The following SNTG1 variants were observed in gnomAD, a reference collection of about 807,000 sequenced individuals.
SNTG1 encodes gamma-1-syntrophin.
Under a neutral mutation model 74.7 loss-of-function variants are expected in SNTG1, and 39 were observed. The ratio of observed to expected loss-of-function variants is 0.52; its 90% CI spans 0.40 to 0.68. The LOEUF is 0.68. SNTG1 is among the 30% of genes least tolerant of loss of function. SNTG1 has a pLI of 0.00. For missense variants in SNTG1, 685 were observed against 609.5 expected (o/e 1.12, Z -1.30); for synonymous variants, 254 against 217.1 (o/e 1.17, Z -1.49).
At chr8:50,143,114 A>G (rs998236772) in intron 1 of SNTG1, among the ~76,000 whole-genome samples, 2 of 152,060 alleles carry the variant, frequency 1.3e-5, no homozygotes, top group African/African-American at 4.8e-5. Context: ...TAAAAAATAA[A>G]TAAAGTCCAT....
intron 2 of SNTG1, among the ~76,000 whole-genome samples, chr8:50,345,522 C>T (rs956222850): frequency 6.6e-6 from 1 of 152,132 alleles, no homozygotes; most frequent in Non-Finnish European, 1.5e-5. Flanking sequence ...TTCCACTGTG[C>T]CTTACCTGGG....
At chr8:50,293,883 T>A (rs1466806301) in intron 2 of SNTG1, among the ~76,000 whole-genome samples, 2 of 151,992 alleles carry the variant, frequency 1.3e-5, no homozygotes, top group East Asian at 1.9e-4. Context: ...TGAAAAAAAA[T>A]AAAAATATCT....
intron 9 of SNTG1, among the ~76,000 whole-genome samples, chr8:50,514,825 T>A (rs1205964707): frequency 6.6e-6 from 1 of 152,180 alleles, no homozygotes. Context: ...GTTGAGGACT[T>A]AAATGTCATA....
intron 1 of SNTG1, among the ~76,000 whole-genome samples, chr8:50,032,315 CTT>C (rs1334153696): frequency 4.6e-5 from 7 of 151,398 alleles, no homozygotes; most frequent in Admixed American, 2.6e-4. Flanking sequence ...TTGTTTATTT[CTT>C]TTTTCTTTAC....
chr8:50,561,791 A>G (rs914041832), intron 12 of SNTG1, among the ~76,000 whole-genome samples: 26 of 152,212 alleles, frequency 1.7e-4, no homozygotes, highest in African/African-American at 6.3e-4. Flanking sequence ...GCTAGTCATT[A>G]TCACATTATT....
chr8:50,606,719 C>A (rs2094815467), intron 13 of SNTG1, among the ~76,000 whole-genome samples: 2 of 151,786 alleles, frequency 1.3e-5, no homozygotes, highest in African/African-American at 4.8e-5. Context: ...CATAAATGTT[C>A]TTTAGCATGT....
intron 1 of SNTG1, among the ~76,000 whole-genome samples, chr8:49,983,289 AG>A (rs1343404477): frequency 6.6e-6 from 1 of 152,242 alleles, no homozygotes; most frequent in East Asian, 1.9e-4. Flanking sequence ...ATCAAGTAAA[AG>A]TTTAGAGAAT....
chr8:50,570,763 C>T (rs1160980122), intron 12 of SNTG1, among the ~76,000 whole-genome samples: 1 of 151,498 alleles, frequency 6.6e-6, no homozygotes, highest in African/African-American at 2.4e-5. Flanking sequence ...CACCACCGTG[C>T]CTGTAGAATT....
intron 5 of SNTG1, among the ~76,000 whole-genome samples, chr8:50,445,448 T>C (rs2093397923): frequency 6.6e-6 from 1 of 152,198 alleles, no homozygotes; most frequent in South Asian, 2.1e-4. Context: ...TTGGCAAGAC[T>C]CCTGATGCTC....
At chr8:50,169,852 G>T (rs575849923) in intron 1 of SNTG1, among the ~76,000 whole-genome samples, 1 of 152,242 alleles carries the variant, frequency 6.6e-6, no homozygotes, top group African/African-American at 2.4e-5. Flanking sequence ...AAGGCAGGAG[G>T]ATCACTGGAG....
intron 2 of SNTG1, among the ~76,000 whole-genome samples, chr8:50,385,654 C>G (rs532728203): frequency 6.6e-6 from 1 of 152,282 alleles, no homozygotes; most frequent in African/African-American, 2.4e-5. Context: ...TGATACATCT[C>G]TGAGGTAGGA....
intron 17 of SNTG1, among the ~76,000 whole-genome samples, chr8:50,727,051 G>A (rs1351469408): frequency 6.6e-6 from 1 of 152,064 alleles, no homozygotes; most frequent in African/African-American, 2.4e-5. Context: ...GGAATGTCAA[G>A]AGTAGAGAAA....
chr8:49,946,942 T>G (rs146874544), intron 1 of SNTG1, among the ~76,000 whole-genome samples: 1 of 152,306 alleles, frequency 6.6e-6, no homozygotes, highest in African/African-American at 2.4e-5. Flanking sequence ...AACATATACG[T>G]TTAACACATT....
chr8:50,492,924 G>A (rs1327750204), intron 8 of SNTG1, among the ~76,000 whole-genome samples: 3 of 152,138 alleles, frequency 2.0e-5, no homozygotes, highest in African/African-American at 7.2e-5. Context: ...GCATAAGGAA[G>A]GGATCCAGTT....
chr8:50,200,841 C>CA (rs138958174), intron 2 of SNTG1, among the ~76,000 whole-genome samples: 1,986 of 151,538 alleles, frequency 0.013, 51 homozygotes, highest in African/African-American at 0.044. Flanking sequence ...TAAAACAAAC[C>CA]AAAAAAAACC....
At chr8:50,124,533 C>A (rs1290385838) in intron 1 of SNTG1, among the ~76,000 whole-genome samples, 1 of 142,414 alleles carries the variant, frequency 7.0e-6, no homozygotes, top group African/African-American at 2.5e-5. Flanking sequence ...ATTAACGTTG[C>A]ATATTAATAA....
chr8:49,969,367 C>T (rs1031565634), intron 1 of SNTG1, among the ~76,000 whole-genome samples: 4 of 142,156 alleles, frequency 2.8e-5, no homozygotes, highest in Non-Finnish European at 6.1e-5. Context: ...AAAGCAAATA[C>T]ACATTTTAAT....
chr8:50,120,619 A>T lies in SNTG1; in HGVS notation c.-102-51942A>T, dbSNP rs1412473798. Among the ~76,000 whole-genome samples the T allele has an allele frequency of 1.4e-5, 2 of 141,232 alleles. 1 individual carries two copies. The highest frequency in any genetic ancestry group is 3.1e-5 in the Non-Finnish European group (2 of 63,518). 92.7% of individuals were successfully genotyped at this position (141,232 alleles called of 152,430 possible). On this transcript the variant is annotated intron_variant, in intron 1 of 18. Coordinates refer to ENST00000642720, the MANE Select transcript of SNTG1 (RefSeq NM_018967.5). ...ACTACTCATTATTACTGCCATCTTT[A>T]TACTACCATCACCTCTGTCACTACC...
At chr8:50,421,172 G>T (rs2093081611) in intron 4 of SNTG1, among the ~76,000 whole-genome samples, 1 of 151,576 alleles carries the variant, frequency 6.6e-6, no homozygotes, top group East Asian at 1.9e-4. Context: ...CCAAGAGAGG[G>T]CTCTTAGATC....
Sources: allele counts gnomAD v4.1 joint callset (sites outside exome capture counted in the v4.1 genomes callset), GRCh38; gene constraint gnomAD v4.1.1; transcripts MANE v1.5; gene names NCBI Gene and HGNC (gene_info 2026-07-23, HGNC 2026-07-21).